The following FRMD4A variants were observed in gnomAD, a reference collection of about 807,000 sequenced individuals.
FRMD4A encodes FERM domain containing 4A.
In FRMD4A, 29 loss-of-function variants were observed where a neutral mutation model predicts 129.1. The observed-to-expected ratio is 0.22, with a 90% CI of 0.17 to 0.31. FRMD4A has a LOEUF of 0.31. Ranked by LOEUF, FRMD4A falls within the 10% of genes least tolerant of loss-of-function variation. FRMD4A has a pLI of 1.00. For missense variants in FRMD4A, 1,272 were observed against 1,375.8 expected, an observed-to-expected ratio of 0.92 and a Z score of 1.19; for synonymous variants, 634 against 571.6, an observed-to-expected ratio of 1.11 and a Z score of -1.56.
intron 2 of FRMD4A, among the ~76,000 whole-genome samples, chr10:14,021,211 G>A (rs10906572): frequency 0.39 from 58,564 of 151,748 alleles, 13,909 homozygotes; most frequent in Non-Finnish European, 0.54. Flanking sequence ...ATATAGGTGG[G>A]GAAGCTATAC....
At chr10:14,312,956 A>T (rs1846606336) in intron 2 of FRMD4A, among the ~76,000 whole-genome samples, 1 of 152,358 alleles carries the variant, frequency 6.6e-6, no homozygotes, top group Non-Finnish European at 1.5e-5. Flanking sequence ...TTCCAAAAGG[A>T]TACACAAGAA....
chr10:13,993,694 G>C (rs1263478672), intron 2 of FRMD4A, among the ~76,000 whole-genome samples: 1 of 152,168 alleles, frequency 6.6e-6, no homozygotes, highest in Non-Finnish European at 1.5e-5. Context: ...AGGTTCAGTT[G>C]CTTCTGAAGT....
chr10:14,045,695 A>C (rs1035111653), intron 2 of FRMD4A, among the ~76,000 whole-genome samples: 5 of 146,538 alleles, frequency 3.4e-5, no homozygotes, highest in Non-Finnish European at 6.0e-5. Flanking sequence ...TATATGATAT[A>C]ATTATATTAT....
intron 2 of FRMD4A, among the ~76,000 whole-genome samples, chr10:14,037,340 C>T (rs1341937715): frequency 6.6e-6 from 1 of 152,206 alleles, no homozygotes; most frequent in East Asian, 1.9e-4. Context: ...GCCTCAGCCT[C>T]CTGAGCAGCT....
At chr10:14,021,384 TAAA>T (rs5783378) in intron 2 of FRMD4A, among the ~76,000 whole-genome samples, 1 of 143,926 alleles carries the variant, frequency 6.9e-6, no homozygotes, top group Non-Finnish European at 1.5e-5. Flanking sequence ...TCCACAAAAA[TAAA>T]AAAAAAAAAT....
intron 2 of FRMD4A, among the ~76,000 whole-genome samples, chr10:14,313,075 A>C (rs1284744120): frequency 6.6e-6 from 1 of 152,168 alleles, no homozygotes; most frequent in Non-Finnish European, 1.5e-5. Context: ...AACTAAGTCC[A>C]GGAGTGGTGG....
intron 2 of FRMD4A, among the ~76,000 whole-genome samples, chr10:14,200,213 T>C (rs1011654663): frequency 6.6e-6 from 1 of 150,666 alleles, no homozygotes; most frequent in South Asian, 2.1e-4. Context: ...GTGTTGAAAA[T>C]ATTTAAAATC....
intron 2 of FRMD4A, among the ~76,000 whole-genome samples, chr10:14,002,410 G>A (rs548960503): frequency 2.6e-5 from 4 of 152,178 alleles, no homozygotes; most frequent in East Asian, 1.9e-4. Context: ...GTACTGACAC[G>A]TAAGAGTGAA....
At chr10:13,879,944 C>T (rs955537072) in intron 2 of FRMD4A, among the ~76,000 whole-genome samples, 11 of 152,106 alleles carry the variant, frequency 7.2e-5, no homozygotes, top group African/African-American at 2.4e-4. Flanking sequence ...CCACGCTTGG[C>T]TGTTTTTCAT....
intron 2 of FRMD4A, among the ~76,000 whole-genome samples, chr10:14,308,210 T>A (rs1441587490): frequency 6.6e-6 from 1 of 152,230 alleles, no homozygotes; most frequent in African/African-American, 2.4e-5. Flanking sequence ...ATTGCACTAT[T>A]GATTGATACC....
chr10:13,903,720 T>A (rs146522996), intron 2 of FRMD4A, among the ~76,000 whole-genome samples: 13 of 127,264 alleles, frequency 1.0e-4, no homozygotes, highest in African/African-American at 2.7e-4. Context: ...AAAATAAAAA[T>A]AAAAAAAAAA....
intron 24 of FRMD4A, chr10:13,649,617 T>A (rs1457922485): frequency 6.6e-6 from 1 of 152,230 alleles, no homozygotes; most frequent in African/African-American, 2.4e-5. Flanking sequence ...TCTTTCTTAG[T>A]GCTTCCACAT....
At chr10:14,010,663 T>A (rs1308626247) in intron 2 of FRMD4A, among the ~76,000 whole-genome samples, 1 of 112,658 alleles carries the variant, frequency 8.9e-6, no homozygotes, top group East Asian at 2.8e-4. Context: ...CGAGTTTAGG[T>A]CTTTTTTTTT....
In FRMD4A at chr10:13,931,975, CAACA is replaced by C. The variant is rs1483547722; in HGVS notation, c.46-73067_46-73064del. On this transcript the variant is annotated intron_variant, in intron 2 of 24. Transcript: ENST00000357447. ...AAAACCAACCAACCAACCAACCAAC[CAACA>C]AACCAACCAACCAACCCCCTTCTAC... 1.1e-4 allele frequency among the ~76,000 whole-genome samples: 17 copies of C among 151,276 alleles called. No individual in the cohort carries two copies. The South Asian group carries it at 1.5e-3, about 13-fold the overall frequency.
chr10:13,963,758 A>G (rs2095463431), intron 2 of FRMD4A, among the ~76,000 whole-genome samples: 1 of 152,214 alleles, frequency 6.6e-6, no homozygotes, highest in Non-Finnish European at 1.5e-5. Context: ...AGGTGTTCTT[A>G]TATATTAGCT....
intron 18 of FRMD4A, among the ~76,000 whole-genome samples, chr10:13,665,868 G>A (rs2082990719): frequency 6.6e-6 from 1 of 152,244 alleles, no homozygotes; most frequent in East Asian, 1.9e-4. Flanking sequence ...GAAACCAATA[G>A]TGATACCAAC....
chr10:13,902,964 T>C (rs1313511290), intron 2 of FRMD4A, among the ~76,000 whole-genome samples: 1 of 152,176 alleles, frequency 6.6e-6, no homozygotes, highest in African/African-American at 2.4e-5. Context: ...TTTTAACAGA[T>C]TCCAAAGATA....
At chr10:13,979,275 G>A (rs2095552574) in intron 2 of FRMD4A, among the ~76,000 whole-genome samples, 1 of 152,176 alleles carries the variant, frequency 6.6e-6, no homozygotes, top group Non-Finnish European at 1.5e-5. Context: ...TGTAAAGTGG[G>A]GGTCCTGCTC....
intron 2 of FRMD4A, among the ~76,000 whole-genome samples, chr10:14,279,809 CG>C (rs1425312705): frequency 3.3e-5 from 5 of 152,196 alleles, no homozygotes; most frequent in South Asian, 2.1e-4. Flanking sequence ...CTCAAAGAGA[CG>C]GAAGTCCAAA....
Sources: gnomAD v4.1 joint callset for allele counts (sites outside exome capture counted in the v4.1 genomes callset) on GRCh38, gnomAD v4.1.1 for gene constraint, MANE v1.5 for transcripts, NCBI Gene and HGNC (gene_info 2026-07-23, HGNC 2026-07-21) for gene names.